FAM135A: variants seen among roughly 807,000 people sequenced by gnomAD.
The protein encoded by FAM135A is family with sequence similarity 135 member A, also known as protein FAM135A.
FAM135A carries 79 observed loss-of-function variants against 146.8 expected under a neutral mutation model. That is an observed-to-expected ratio of 0.54 (90% CI 0.45 to 0.65). The LOEUF (loss-of-function observed/expected upper bound fraction) is 0.65. Among genes scored for constraint, FAM135A ranks in the 30% least tolerant of loss-of-function variants. The pLI, the probability that FAM135A is intolerant of heterozygous loss-of-function variation, is 0.00. For synonymous variants in FAM135A, 562 were observed against 603.6 expected, an observed-to-expected ratio of 0.93 and a Z score of 1.01; for missense variants, 1,623 against 1,758.2, an observed-to-expected ratio of 0.92 and a Z score of 1.38.
intron 10 of FAM135A, among the ~76,000 whole-genome samples, chr6:70,488,981 T>C (rs899888511): frequency 1.3e-5 from 2 of 152,200 alleles, no homozygotes; most frequent in African/African-American, 4.8e-5. Context: ...TAAATTATGC[T>C]TTTAAACATT....
At chr6:70,448,077 C>T (rs1382259817) in intron 4 of FAM135A, among the ~76,000 whole-genome samples, 3 of 152,188 alleles carry the variant, frequency 2.0e-5, no homozygotes, top group Non-Finnish European at 1.5e-5. Flanking sequence ...ATCACCCTCT[C>T]ATCTAACTTG....
intron 5 of FAM135A, among the ~76,000 whole-genome samples, chr6:70,465,294 A>G (rs1312357000): frequency 6.6e-6 from 1 of 152,052 alleles, no homozygotes; most frequent in African/African-American, 2.4e-5. Context: ...TGTTTTTTCT[A>G]CCTCTTGACT....
intron 4 of FAM135A, among the ~76,000 whole-genome samples, chr6:70,440,047 A>T (rs1275508709): frequency 2.0e-5 from 3 of 152,190 alleles, no homozygotes; most frequent in African/African-American, 7.2e-5. Context: ...TCATCTCATA[A>T]GTGTGTTCTT....
intron 5 of FAM135A, among the ~76,000 whole-genome samples, chr6:70,453,526 TTTACA>T (rs1777587681): frequency 6.6e-6 from 1 of 152,162 alleles, no homozygotes; most frequent in Non-Finnish European, 1.5e-5. Flanking sequence ...TAATTCATCA[TTTACA>T]TTAGGTGTTT....
chr6:70,520,083 T>C (rs1218198654), intron 12 of FAM135A, among the ~76,000 whole-genome samples: 1 of 152,196 alleles, frequency 6.6e-6, no homozygotes, highest in Non-Finnish European at 1.5e-5. Context: ...TAGGCTTTTT[T>C]TTTAAGGACG....
chr6:70,526,719 G>C, intron 15 of FAM135A, 21 bp downstream of exon 15: 1 of 1,532,968 alleles, frequency 6.5e-7, no homozygotes. Flanking sequence ...GAACGTAATA[G>C]TACCTGCTGC....
At chr6:70,488,476 C>T (rs898725162) in intron 10 of FAM135A, among the ~76,000 whole-genome samples, 1 of 132,170 alleles carries the variant, frequency 7.6e-6, no homozygotes, top group African/African-American at 2.8e-5. Context: ...CCCCCCCCCC[C>T]AGAAATATAT....
chr6:70,544,814 G>T (rs1418589137), intron 20 of FAM135A, among the ~76,000 whole-genome samples: 1 of 152,042 alleles, frequency 6.6e-6, no homozygotes, highest in Non-Finnish European at 1.5e-5. Context: ...ACTTTGGGAG[G>T]CTGAGGCAGG....
chr6:70,484,677 G>C lies in FAM135A; in HGVS notation c.823+2523G>C, dbSNP rs983822657. ...ACGCACAGTTCGCAATAGTGTTCAC[G>C]CTCCTATGAGAATCTAATGCCGCTG... On this transcript the variant is annotated intron_variant, in intron 10 of 21. Transcript: ENST00000418814. 2.6e-5 allele frequency among the ~76,000 whole-genome samples: 4 copies of C among 152,248 alleles called. No homozygotes were observed. In the East Asian group the frequency reaches 7.7e-4, roughly 29 times the overall value.
intron 9 of FAM135A, among the ~76,000 whole-genome samples, chr6:70,481,784 C>T (rs1169652722): frequency 6.6e-6 from 1 of 152,126 alleles, no homozygotes; most frequent in South Asian, 2.1e-4. Context: ...ATTTAATCTA[C>T]TTGTTATAAA....
In FAM135A at chr6:70,529,735, T is replaced by A. The variant is rs866705076; in HGVS notation, c.3775+1283T>A. On this transcript the variant is annotated intron_variant, in intron 16 of 21. Coordinates refer to ENST00000418814, the MANE Select transcript of FAM135A (RefSeq NM_001162529.3). ...CCAATAAAGATATCACACCAACACCTGCCGCCAAAAAACAGTAGACCAGTC... is the reference window on the plus strand; with the variant it reads ...CCAATAAAGATATCACACCAACACCAGCCGCCAAAAAACAGTAGACCAGTC... Among the ~76,000 whole-genome samples, 139 of 152,212 alleles carry A rather than the reference T, an allele frequency of 9.1e-4. 1 individual carries two copies. Among genetic ancestry groups the A allele is most frequent in the African/African-American group, 3.2e-3 (133 of 41,548 alleles).
chr6:70,552,845 C>T (rs1337872341), intron 20 of FAM135A, among the ~76,000 whole-genome samples: 1 of 151,976 alleles, frequency 6.6e-6, no homozygotes, highest in Non-Finnish European at 1.5e-5. Context: ...TATCCAGAAC[C>T]CTTGAGAAAT....
intron 20 of FAM135A, among the ~76,000 whole-genome samples, chr6:70,545,158 T>G (rs1003085078): frequency 6.6e-6 from 1 of 152,198 alleles, no homozygotes; most frequent in Non-Finnish European, 1.5e-5. Flanking sequence ...GGAAAATTTT[T>G]TTAACAGAAC....
chr6:70,480,796 C>T, intron 8 of FAM135A, 105 bp from the exon 9 acceptor site: 1 of 1,109,996 alleles, frequency 9.0e-7, no homozygotes, highest in Admixed American at 3.1e-5. Context: ...TATAAACTTG[C>T]AAAACCCTTG....
intron 20 of FAM135A, among the ~76,000 whole-genome samples, chr6:70,554,928 A>G (rs1485923150): frequency 6.6e-6 from 1 of 152,112 alleles, no homozygotes; most frequent in Non-Finnish European, 1.5e-5. Context: ...CCAGCCATTA[A>G]TTATATTTTC....
intron 4 of FAM135A, among the ~76,000 whole-genome samples, chr6:70,443,373 A>G (rs753497973): frequency 1.3e-5 from 2 of 152,224 alleles, no homozygotes; most frequent in Non-Finnish European, 2.9e-5. Flanking sequence ...ATACACAGAT[A>G]CCTATTATCG....
chr6:70,423,809 A>G (rs535870187), intron 2 of FAM135A, among the ~76,000 whole-genome samples: 1 of 152,308 alleles, frequency 6.6e-6, no homozygotes, highest in South Asian at 2.1e-4. Context: ...TTCTTCCTCA[A>G]GGGAGACAAC....
chr6:70,481,940 G>T, intron 9 of FAM135A, 61 bp from the exon 10 acceptor site: 1 of 1,459,020 alleles, frequency 6.9e-7, no homozygotes, highest in Non-Finnish European at 9.1e-7. Flanking sequence ...ATTTTTCCAA[G>T]TTTCACATGT....
At position 70,542,344 on chromosome 6, in the gene FAM135A, CTCATGTGTTTTTGTA is replaced by C. The variant is rs368565262; in HGVS notation, c.4228+3962_4228+3976del. 4.5e-3 allele frequency among the ~76,000 whole-genome samples: 684 copies of C among 151,848 alleles called. 7 individuals carry two copies. The highest frequency in any genetic ancestry group is 0.015 in the African/African-American group (601 of 41,354). ...CATTTTCTCATGCTTTTTGTATCAC[CTCATGTGTTTTTGTA>C]TCATGTGTTTTTGTATCACCTCATG... On this transcript the variant is annotated intron_variant, in intron 20 of 21. Coordinates refer to ENST00000418814, the MANE Select transcript of FAM135A (RefSeq NM_001162529.3).
Sources: allele counts gnomAD v4.1 joint callset (sites outside exome capture counted in the v4.1 genomes callset), GRCh38; gene constraint gnomAD v4.1.1; transcripts MANE v1.5; gene names NCBI Gene and HGNC (gene_info 2026-07-23, HGNC 2026-07-21).